APBA1: variants seen among roughly 807,000 people sequenced by gnomAD.
APBA1 encodes amyloid-beta A4 precursor protein-binding family A member 1.
APBA1 carries 55 observed loss-of-function variants against 86.6 expected under a neutral mutation model. The observed-to-expected ratio is 0.64, with a 90% CI of 0.51 to 0.80. The LOEUF (loss-of-function observed/expected upper bound fraction) is 0.80. Ranked by LOEUF, APBA1 falls within the 30% of genes least tolerant of loss-of-function variation. The probability of loss-of-function intolerance (pLI) is 0.00; values close to 1 mark genes in which losing one functional copy is unlikely to be tolerated. For missense variants in APBA1, 1,090 were observed against 1,183.0 expected, an observed-to-expected ratio of 0.92 and a Z score of 1.15; for synonymous variants, 511 against 493.9, an observed-to-expected ratio of 1.03 and a Z score of -0.46.
chr9:69,606,042 T>C (rs1822462964), intron 1 of APBA1, among the ~76,000 whole-genome samples: 1 of 152,232 alleles, frequency 6.6e-6, no homozygotes, highest in African/African-American at 2.4e-5. Flanking sequence ...GCCAACAGGC[T>C]TAACAAGTGA....
chr9:69,602,894 C>CA (rs1042625842), intron 1 of APBA1, among the ~76,000 whole-genome samples: 4 of 152,074 alleles, frequency 2.6e-5, no homozygotes, highest in African/African-American at 7.2e-5. Context: ...ATCTGGCAAA[C>CA]AAAAAAATAC....
At chr9:69,483,568 A>G (rs1228369813) in intron 2 of APBA1, among the ~76,000 whole-genome samples, 1 of 152,188 alleles carries the variant, frequency 6.6e-6, no homozygotes, top group Non-Finnish European at 1.5e-5. Context: ...AGTCTGAATT[A>G]TGGAAAATAT....
chr9:69,431,280 C>A lies in APBA1; in HGVS notation c.*47G>T. The A allele has an allele frequency of 1.4e-6, 2 of 1,480,426 alleles. No individual in the cohort carries two copies. The highest frequency in any genetic ancestry group is 1.8e-6 in the Non-Finnish European group (2 of 1,095,344). The allele number at this position is 1,480,426 out of a possible 1,614,324, so 91.7% of individuals were successfully genotyped here. A position where few individuals can be genotyped will look rare whatever the true frequency, so the allele number is the denominator to read the frequency against. ...CAGGGATGCAGCACGAGAAACACAA[C>A]CACGAAGAGGAGAGTCCTCCATGCA... On this transcript the variant is annotated 3_prime_UTR_variant, in exon 13 of 13. Transcript: ENST00000265381.
At chr9:69,658,288 C>T (rs112862858) in intron 1 of APBA1, among the ~76,000 whole-genome samples, 510 of 41,468 alleles carry the variant, frequency 0.012, 15 homozygotes, top group South Asian at 0.017. Flanking sequence ...TTCTTTCTCT[C>T]TCTCTTTCTC....
At chr9:69,496,686 A>T (rs1835803819) in intron 2 of APBA1, among the ~76,000 whole-genome samples, 1 of 152,118 alleles carries the variant, frequency 6.6e-6, no homozygotes, top group Non-Finnish European at 1.5e-5. Flanking sequence ...TGCAGGAGGT[A>T]TCTCTTCCTA....
intron 1 of APBA1, among the ~76,000 whole-genome samples, chr9:69,631,391 C>A (rs1442678250): frequency 3.9e-5 from 6 of 152,142 alleles, no homozygotes; most frequent in Non-Finnish European, 5.9e-5. Context: ...GCAATCATTA[C>A]AAAGTCAGGA....
At chr9:69,593,208 C>T (rs919106970) in intron 1 of APBA1, among the ~76,000 whole-genome samples, 1 of 152,190 alleles carries the variant, frequency 6.6e-6, no homozygotes, top group African/African-American at 2.4e-5. Flanking sequence ...AAACAACAGA[C>T]TGTATTTCTT....
At chr9:69,623,547 A>G (rs1317004102) in intron 1 of APBA1, among the ~76,000 whole-genome samples, 4 of 152,040 alleles carry the variant, frequency 2.6e-5, no homozygotes, top group Non-Finnish European at 5.9e-5. Flanking sequence ...ATGCTCCCCA[A>G]CCTCACAATT....
chr9:69,547,218 T>C (rs1213159470), intron 1 of APBA1, among the ~76,000 whole-genome samples: 4 of 152,156 alleles, frequency 2.6e-5, no homozygotes, highest in Non-Finnish European at 5.9e-5. Context: ...AGTCCAAGGA[T>C]GGTACTGGAG....
intron 2 of APBA1, among the ~76,000 whole-genome samples, chr9:69,503,568 A>T (rs1835909881): frequency 6.6e-6 from 1 of 152,144 alleles, no homozygotes; most frequent in Non-Finnish European, 1.5e-5. Context: ...CTGCTGAGCT[A>T]CAACGCATAT....
chr9:69,636,937 A>C (rs1293205757), intron 1 of APBA1, among the ~76,000 whole-genome samples: 1 of 144,530 alleles, frequency 6.9e-6, no homozygotes, highest in Non-Finnish European at 1.5e-5. Flanking sequence ...GAAAGAAAGA[A>C]AGAAAGAAAG....
chr9:69,460,449 T>C (rs11138764), intron 5 of APBA1, among the ~76,000 whole-genome samples: 8,037 of 152,240 alleles, frequency 0.053, 712 homozygotes, highest in African/African-American at 0.18. Context: ...TGGCATCAGT[T>C]ATAATCTGCA....
intron 1 of APBA1, among the ~76,000 whole-genome samples, chr9:69,629,431 C>T (rs1822994726): frequency 6.6e-6 from 1 of 152,240 alleles, no homozygotes; most frequent in South Asian, 2.1e-4. Context: ...TATCTACAGG[C>T]ATTAAGAATT....
intron 2 of APBA1, among the ~76,000 whole-genome samples, chr9:69,512,278 A>G (rs1836062318): frequency 6.6e-6 from 1 of 152,110 alleles, no homozygotes; most frequent in African/African-American, 2.4e-5. Flanking sequence ...GTGCTGAGAG[A>G]GTGTTCAGTA....
chr9:69,498,160 C>T (rs1044166800), intron 2 of APBA1, among the ~76,000 whole-genome samples: 1 of 152,052 alleles, frequency 6.6e-6, no homozygotes, highest in Non-Finnish European at 1.5e-5. Context: ...TACAAAAAAC[C>T]ATGACTTCCA....
Position 69,516,685 on chromosome 9 carries a change from G to A in APBA1, c.526C>T (p.His176Tyr). 6.2e-7 allele frequency: 1 copy of A among 1,610,312 alleles called. No homozygotes were observed. Among genetic ancestry groups the A allele is most frequent in the Non-Finnish European group, 8.5e-7 (1 of 1,179,024 alleles). ...GAGTAGGGCTCGTCCTCACCGCGGT[G>A]GAAGAGCCGGTGCGTGTAGACGTAG... ...SGYVYTHRLF[H>Y]RGEDEPYSEP... Residue 176 changes from histidine to tyrosine, a missense_variant, in exon 2 of 13, where the codon CAC becomes TAC. Physicochemically the swap from His to Tyr is moderately conservative, Grantham distance 83. This residue lies in a region of APBA1 where 678 missense variants were observed against 647.1 expected (regional missense o/e 1.05). Coordinates refer to ENST00000265381, the MANE Select transcript of APBA1 (RefSeq NM_001163.4). This position sits in a 1 kb window ranked among gnomAD's most constrained non-coding sequence, Gnocchi z 7.3.
rs528931603 is a variant in APBA1 at position 69,547,187 on chromosome 9, A to C, written c.-69-29908T>G. Among the ~76,000 whole-genome samples, 5 of 152,204 alleles carry C rather than the reference A, an allele frequency of 3.3e-5. No individual in the cohort carries two copies. The South Asian group carries it at 6.2e-4, about 19-fold the overall frequency. ...CGCCCTCAATATTGTTCTCTCATACAAAAGAAATCCAGAGGGGGACAGTCC... is the reference window on the plus strand; with the variant it reads ...CGCCCTCAATATTGTTCTCTCATACCAAAGAAATCCAGAGGGGGACAGTCC... On this transcript the variant is annotated intron_variant, in intron 1 of 12. Transcript: ENST00000265381.
chr9:69,662,085 A>C (rs767530453), intron 1 of APBA1, among the ~76,000 whole-genome samples: 98 of 151,964 alleles, frequency 6.4e-4, no homozygotes, highest in Non-Finnish European at 1.3e-3. Context: ...AAGGCATCAT[A>C]AACAAGAGAG....
At chr9:69,562,248 A>G (rs1836957791) in intron 1 of APBA1, among the ~76,000 whole-genome samples, 1 of 152,222 alleles carries the variant, frequency 6.6e-6, no homozygotes, top group Non-Finnish European at 1.5e-5. Flanking sequence ...CAATAACAAA[A>G]GATACAAAAG....
Sources: gnomAD v4.1 joint callset for allele counts (sites outside exome capture counted in the v4.1 genomes callset) on GRCh38, gnomAD v4.1.1 for gene constraint, gnomAD v4.1.1 regional missense constraint, Gnocchi (gnomAD v3.1) non-coding constraint, MANE v1.5 for transcripts, NCBI Gene and HGNC (gene_info 2026-07-23, HGNC 2026-07-21) for gene names.